Variants in GABRB2 observed in about 807,000 individuals in gnomAD.
GABRB2 encodes gamma-aminobutyric acid receptor subunit beta-2.
A neutral mutation model predicts 54.7 loss-of-function variants in GABRB2; 16 were observed. The observed-to-expected ratio is 0.29, with a 90% confidence interval of 0.20 to 0.44. The LOEUF (loss-of-function observed/expected upper bound fraction) is 0.44, where lower values mean the gene tolerates loss of function less well. GABRB2 is among the 20% of genes least tolerant of loss of function. The pLI, the probability that GABRB2 is intolerant of heterozygous loss-of-function variation, is 1.00. For missense variants in GABRB2, 355 were observed against 644.0 expected (o/e 0.55, Z 4.86); for synonymous variants, 244 against 233.8 (o/e 1.04, Z -0.40).
At chr5:161,490,506 C>A (rs1052080095) in intron 3 of GABRB2, among the ~76,000 whole-genome samples, 1 of 151,618 alleles carries the variant, frequency 6.6e-6, no homozygotes, top group African/African-American at 2.4e-5. Context: ...CCTTATGAGG[C>A]TTAATTGAGA....
rs890618046 is a variant in GABRB2, at chr5:161,288,954, A to G, written c.*5127T>C. ...TTGAACTCAAATTATTGAACCAAAA[A>G]CAAAAACAAAAACAAACTGATGGAA... On this transcript the variant is annotated 3_prime_UTR_variant, in exon 10 of 10. Coordinates refer to ENST00000393959, the MANE Select transcript of GABRB2 (RefSeq NM_001371727.1). 1 of 152,184 alleles carries G rather than the reference A, an allele frequency of 6.6e-6. No individual in the cohort carries two copies. The highest frequency in any genetic ancestry group is 2.4e-5 in the African/African-American group (1 of 41,450). 9.4% of individuals were successfully genotyped at this position (152,184 alleles called of 1,614,324 possible).
At chr5:161,520,947 A>G (rs1760093935) in intron 3 of GABRB2, among the ~76,000 whole-genome samples, 1 of 152,050 alleles carries the variant, frequency 6.6e-6, no homozygotes, top group South Asian at 2.1e-4. Context: ...CAAAACAGGG[A>G]TAAAATAATA....
intron 5 of GABRB2, among the ~76,000 whole-genome samples, chr5:161,390,615 G>A (rs565560982): frequency 4.9e-4 from 74 of 152,174 alleles, no homozygotes; most frequent in African/African-American, 1.4e-3. Context: ...AACATTAGGC[G>A]AAGTTGGGTG....
At chr5:161,438,507 C>T (rs993619891) in intron 4 of GABRB2, among the ~76,000 whole-genome samples, 3 of 152,048 alleles carry the variant, frequency 2.0e-5, no homozygotes, top group African/African-American at 7.2e-5. Context: ...CATCTATTGG[C>T]ATGAACACCA....
At chr5:161,434,610 T>G (rs1757259372) in intron 4 of GABRB2, among the ~76,000 whole-genome samples, 1 of 152,188 alleles carries the variant, frequency 6.6e-6, no homozygotes. Context: ...TTCTTCACAC[T>G]CTACTTTATC....
intron 5 of GABRB2, among the ~76,000 whole-genome samples, chr5:161,358,286 C>T (rs1754700203): frequency 6.6e-6 from 1 of 152,052 alleles, no homozygotes; most frequent in Admixed American, 6.6e-5. Context: ...CTGGATTGTC[C>T]ATTTAAGTTA....
intron 5 of GABRB2, among the ~76,000 whole-genome samples, chr5:161,390,808 C>T (rs2113035322): frequency 6.6e-6 from 1 of 152,174 alleles, no homozygotes; most frequent in Middle Eastern, 3.4e-3. Flanking sequence ...TAGTCTCATC[C>T]CACAACGTAA....
chr5:161,483,457 G>C (rs1250163182), intron 3 of GABRB2, among the ~76,000 whole-genome samples: 2 of 151,866 alleles, frequency 1.3e-5, no homozygotes, highest in East Asian at 3.9e-4. Flanking sequence ...GGGGTGGTAG[G>C]GGAGGATAAA....
intron 8 of GABRB2, chr5:161,327,115 T>A (rs971368883): frequency 3.3e-6 from 1 of 304,786 alleles, no homozygotes; most frequent in Non-Finnish European, 4.8e-6. Flanking sequence ...AAGACTCTCC[T>A]AGCATTAGAA....
At chr5:161,513,317 A>G (rs971015910) in intron 3 of GABRB2, among the ~76,000 whole-genome samples, 2 of 152,076 alleles carry the variant, frequency 1.3e-5, no homozygotes, top group African/African-American at 4.8e-5. Context: ...CTACCATGAA[A>G]ACACATGCAC....
chr5:161,489,615 T>C (rs936470016), intron 3 of GABRB2, among the ~76,000 whole-genome samples: 1 of 151,568 alleles, frequency 6.6e-6, no homozygotes, highest in Non-Finnish European at 1.5e-5. Flanking sequence ...GCTACATTGA[T>C]AAAGGTATAT....
At chr5:161,302,442 A>C (rs1009316843) in intron 9 of GABRB2, among the ~76,000 whole-genome samples, 1 of 152,136 alleles carries the variant, frequency 6.6e-6, no homozygotes, top group Non-Finnish European at 1.5e-5. Context: ...CTCTGGAGAG[A>C]TGTCCTTGTG....
chr5:161,509,690 A>C (rs1430147621), intron 3 of GABRB2, among the ~76,000 whole-genome samples: 1 of 151,918 alleles, frequency 6.6e-6, no homozygotes, highest in Non-Finnish European at 1.5e-5. Context: ...GATATTTTAC[A>C]CTTAGAATGA....
intron 3 of GABRB2, among the ~76,000 whole-genome samples, chr5:161,474,686 ATCAT>A (rs968916940): frequency 6.6e-6 from 1 of 151,964 alleles, no homozygotes; most frequent in African/African-American, 2.4e-5. Flanking sequence ...TTGTTGGGAA[ATCAT>A]TCATTTTCAG....
chr5:161,332,082 C>T (rs556712860), intron 7 of GABRB2, among the ~76,000 whole-genome samples: 89 of 145,990 alleles, frequency 6.1e-4, no homozygotes, highest in African/African-American at 2.2e-3. Flanking sequence ...AGGAGAATGG[C>T]GTGAACCCGG....
At chr5:161,296,034 A>G (rs1398287978) in intron 9 of GABRB2, among the ~76,000 whole-genome samples, 1 of 152,228 alleles carries the variant, frequency 6.6e-6, no homozygotes, top group Non-Finnish European at 1.5e-5. Context: ...CAACTGATTC[A>G]TTGAATGCTC....
At chr5:161,541,312 G>A (rs1450682025) in intron 3 of GABRB2, among the ~76,000 whole-genome samples, 1 of 152,086 alleles carries the variant, frequency 6.6e-6, no homozygotes, top group Non-Finnish European at 1.5e-5. Flanking sequence ...TCATTCTTAA[G>A]GGACCTAGGA....
At chr5:161,347,284 C>A (rs950725841) in intron 5 of GABRB2, among the ~76,000 whole-genome samples, 4 of 151,972 alleles carry the variant, frequency 2.6e-5, no homozygotes, top group South Asian at 4.1e-4. Context: ...TGTCCAAATG[C>A]CAGAAATAAG....
intron 3 of GABRB2, among the ~76,000 whole-genome samples, chr5:161,544,154 G>A (rs1261816918): frequency 6.6e-6 from 1 of 152,074 alleles, no homozygotes; most frequent in Non-Finnish European, 1.5e-5. Context: ...CCTGAGGGGT[G>A]GCTTAGAAAT....
Sources: gnomAD v4.1 joint callset for allele counts (sites outside exome capture counted in the v4.1 genomes callset) on GRCh38, gnomAD v4.1.1 for gene constraint, MANE v1.5 for transcripts, NCBI Gene and HGNC (gene_info 2026-07-23, HGNC 2026-07-21) for gene names.